Variants in RIT2 observed in about 807,000 individuals in gnomAD.
The protein encoded by RIT2 is GTP-binding protein Rit2.
RIT2 carries 24 observed loss-of-function variants against 23.7 expected under a neutral mutation model. The ratio of observed to expected loss-of-function variants is 1.01; its 90% confidence interval spans 0.73 to 1.43. The LOEUF is 1.43. RIT2 is among the 40% of genes most tolerant of loss of function. RIT2 has a pLI of 0.00. For synonymous variants in RIT2, 107 were observed against 91.1 expected (o/e 1.17, Z -0.99); for missense variants, 236 against 266.9 (o/e 0.88, Z 0.81).
chr18:42,776,841 T>C (rs1304026736), intron 4 of RIT2, among the ~76,000 whole-genome samples: 1 of 152,052 alleles, frequency 6.6e-6, no homozygotes, highest in Non-Finnish European at 1.5e-5. Flanking sequence ...GGGAAGGGCA[T>C]AAAGAAGGGA....
At chr18:42,968,189 C>T (rs1910282630) in intron 3 of RIT2, among the ~76,000 whole-genome samples, 1 of 152,046 alleles carries the variant, frequency 6.6e-6, no homozygotes, top group Non-Finnish European at 1.5e-5. Flanking sequence ...GCATGTTTAA[C>T]CATAGTTGGT....
At chr18:43,081,126 A>G (rs11082307) in intron 1 of RIT2, among the ~76,000 whole-genome samples, 15,147 of 152,152 alleles carry the variant, frequency 0.1, 810 homozygotes, top group Non-Finnish European at 0.11. Context: ...AGTCATTGAT[A>G]TACTAATTAC....
intron 1 of RIT2, among the ~76,000 whole-genome samples, chr18:43,036,128 G>T (rs956795337): frequency 6.6e-6 from 1 of 152,178 alleles, no homozygotes; most frequent in Non-Finnish European, 1.5e-5. Flanking sequence ...ATTTAAGAAA[G>T]AAGATATGAA....
chr18:42,868,892 A>C (rs1907542899), intron 4 of RIT2, among the ~76,000 whole-genome samples: 1 of 152,186 alleles, frequency 6.6e-6, no homozygotes, highest in African/African-American at 2.4e-5. Context: ...TACACCAATT[A>C]TAAAACGTCT....
At position 43,053,158 on chromosome 18, in the gene RIT2, G is replaced by A. The variant is rs537127313; in HGVS notation, c.104-19291C>T. On this transcript the variant is annotated intron_variant, in intron 1 of 4. Coordinates refer to ENST00000326695, the MANE Select transcript of RIT2 (RefSeq NM_002930.4). ...ATTGCAATGCTGCTCCTTGTTAGCT[G>A]TGTGGATTAGTTTAGGTAATGCTGT... Among the ~76,000 whole-genome samples, 3 of 152,150 alleles carry A rather than the reference G, an allele frequency of 2.0e-5. No individual in the cohort carries two copies. The East Asian group carries it at 5.8e-4, about 29-fold the overall frequency.
intron 4 of RIT2, among the ~76,000 whole-genome samples, chr18:42,853,281 T>C (rs1907103311): frequency 6.6e-6 from 1 of 152,220 alleles, no homozygotes. Flanking sequence ...AATGAGATGA[T>C]GTTGAGTTGT....
At chr18:42,873,544 T>G (rs183360033) in intron 4 of RIT2, among the ~76,000 whole-genome samples, 268 of 152,270 alleles carry the variant, frequency 1.8e-3, no homozygotes, top group African/African-American at 5.8e-3. Context: ...TTATACACTT[T>G]GATTTTAGAG....
intron 4 of RIT2, among the ~76,000 whole-genome samples, chr18:42,851,280 A>G (rs1907047753): frequency 6.6e-6 from 1 of 152,182 alleles, no homozygotes; most frequent in Admixed American, 6.5e-5. Flanking sequence ...GTAACTTTTC[A>G]CACAGAATCT....
chr18:42,871,601 G>A (rs1158977681), intron 4 of RIT2, among the ~76,000 whole-genome samples: 7 of 152,054 alleles, frequency 4.6e-5, no homozygotes, highest in Non-Finnish European at 8.8e-5. Flanking sequence ...TACTACTGAG[G>A]AAAACTTAAA....
At chr18:43,109,076 C>T (rs532495876) in intron 1 of RIT2, among the ~76,000 whole-genome samples, 1 of 152,194 alleles carries the variant, frequency 6.6e-6, no homozygotes, top group African/African-American at 2.4e-5. Context: ...TTCCTACCTG[C>T]TTTCCTAATT....
intron 4 of RIT2, among the ~76,000 whole-genome samples, chr18:42,813,431 T>C (rs80009298): frequency 0.011 from 1,708 of 152,260 alleles, 35 homozygotes; most frequent in African/African-American, 0.039. Flanking sequence ...ATTCTGAATT[T>C]TTTTGGCATT....
chr18:42,789,940 T>G (rs1394582157), intron 4 of RIT2, among the ~76,000 whole-genome samples: 1 of 152,232 alleles, frequency 6.6e-6, no homozygotes, highest in Admixed American at 6.5e-5. Flanking sequence ...CCATTCAATG[T>G]GATAATGGCT....
chr18:43,019,785 C>T (rs1911554195), intron 2 of RIT2, among the ~76,000 whole-genome samples: 2 of 151,966 alleles, frequency 1.3e-5, no homozygotes, highest in African/African-American at 2.4e-5. Context: ...ATTTAGAAAA[C>T]CCTAAAGACT....
chr18:43,065,926 T>C (rs1054472698), intron 1 of RIT2, among the ~76,000 whole-genome samples: 3 of 152,198 alleles, frequency 2.0e-5, no homozygotes, highest in Non-Finnish European at 2.9e-5. Flanking sequence ...AGGGTCTGTT[T>C]AGTGAGTAAC....
In RIT2 at chr18:42,795,689, G is replaced by C. The variant is rs112303492; in HGVS notation, c.427-51969C>G. Among the ~76,000 whole-genome samples, 191 of 152,358 alleles carry C rather than the reference G, an allele frequency of 1.3e-3. No homozygotes were observed. The Middle Eastern group carries it at 0.014, about 11-fold the overall frequency. ...GATCCACTGGGTGAAGCCAGCTGGG[G>C]TCCTGAGTCTGTTGGGGCCTTGGAG... On this transcript the variant is annotated intron_variant, in intron 4 of 4. Transcript: ENST00000326695.
intron 2 of RIT2, among the ~76,000 whole-genome samples, chr18:43,027,597 C>T (rs926521524): frequency 1.3e-5 from 2 of 151,732 alleles, no homozygotes; most frequent in African/African-American, 4.8e-5. Context: ...TAGATGTTTC[C>T]ATTGTCTAAG....
chr18:42,962,305 A>T (rs1910111253), intron 3 of RIT2, among the ~76,000 whole-genome samples: 1 of 152,248 alleles, frequency 6.6e-6, no homozygotes, highest in African/African-American at 2.4e-5. Flanking sequence ...AAACAATTTT[A>T]AAAACGGGAA....
chr18:43,082,872 T>C lies in RIT2; in HGVS notation c.103+32545A>G, dbSNP rs913951577. On this transcript the variant is annotated intron_variant, in intron 1 of 4. Coordinates refer to ENST00000326695, the MANE Select transcript of RIT2 (RefSeq NM_002930.4). ...CTCCTATTCAACATAGTATTGGAAGTTCTGGCCAGGGCAATCAGGCAAGAG... is the reference window on the plus strand; with the variant it reads ...CTCCTATTCAACATAGTATTGGAAGCTCTGGCCAGGGCAATCAGGCAAGAG... Among the ~76,000 whole-genome samples the C allele has an allele frequency of 9.2e-5, 14 of 152,286 alleles. No homozygotes were observed. In the East Asian group the frequency reaches 2.5e-3, roughly 27 times the overall value.
intron 4 of RIT2, among the ~76,000 whole-genome samples, chr18:42,827,776 C>T (rs144586332): frequency 0.012 from 1,763 of 151,884 alleles, 33 homozygotes; most frequent in African/African-American, 0.04. Flanking sequence ...GAGGCCGAGG[C>T]GGGCGGATCA....
Sources: gnomAD v4.1 joint callset for allele counts (sites outside exome capture counted in the v4.1 genomes callset) on GRCh38, gnomAD v4.1.1 for gene constraint, MANE v1.5 for transcripts, NCBI Gene and HGNC (gene_info 2026-07-23, HGNC 2026-07-21) for gene names.